The following DLGAP1 variants were observed in gnomAD, a reference collection of about 807,000 sequenced individuals.
DLGAP1 encodes disks large-associated protein 1.
A neutral mutation model predicts 90.8 loss-of-function variants in DLGAP1; 11 were observed. That is an observed-to-expected ratio of 0.12 (90% CI 0.08 to 0.20). The LOEUF is 0.20. Among genes scored for constraint, DLGAP1 ranks in the 10% least tolerant of loss-of-function variants. The pLI, the probability that DLGAP1 is intolerant of heterozygous loss-of-function variation, is 1.00. For synonymous variants in DLGAP1, 558 were observed against 540.7 expected, an observed-to-expected ratio of 1.03 and a Z score of -0.44; for missense variants, 1,050 against 1,333.8, an observed-to-expected ratio of 0.79 and a Z score of 3.31.
chr18:3,905,366 C>CAAAAAAAAAAAAAAAA, intron 3 of DLGAP1, among the ~76,000 whole-genome samples: 34 of 19,826 alleles, frequency 1.7e-3, no homozygotes, highest in Non-Finnish European at 2.5e-3. Context: ...GACTCCATCT[C>CAAAAAAAAAAAAAAAA]AAAAAAAAAA....
chr18:3,998,939 T>C (rs1354216598), intron 3 of DLGAP1, among the ~76,000 whole-genome samples: 1 of 152,190 alleles, frequency 6.6e-6, no homozygotes, highest in South Asian at 2.1e-4. Context: ...TGCCACCTAC[T>C]GGACAGACAG....
chr18:3,848,127 C>CAAAAAAAAAAAA lies in DLGAP1; in HGVS notation c.957+30973_957+30984dup. ...TGGATGATGGAGCAAGGCCCCGTCT[C>CAAAAAAAAAAAA]AAAAAAAAAAAAAAAAAAAAAAAAA... is the stretch of plus-strand genomic sequence containing the variant. On this transcript the variant is annotated intron_variant, in intron 4 of 12. Transcript: ENST00000315677. Among the ~76,000 whole-genome samples the CAAAAAAAAAAAA allele has an allele frequency of 3.0e-3, 97 of 32,080 alleles. 2 individuals carry two copies. The highest frequency in any genetic ancestry group is 3.8e-3 in the Non-Finnish European group (78 of 20,760). 21.0% of individuals were successfully genotyped at this position (32,080 alleles called of 152,430 possible).
In DLGAP1 at chr18:4,236,977, C is replaced by A. The variant is rs938744048; in HGVS notation, c.-266-85690G>T. On this transcript the variant is annotated intron_variant, in intron 1 of 12. Transcript: ENST00000315677. ...AAAACTAAATAAATGAGTCACGTCT[C>A]CCCTGCTCCTTCTGGTTCAGGCATA... 3.6e-4 allele frequency among the ~76,000 whole-genome samples: 55 copies of A among 152,212 alleles called. 1 individual carries two copies. Among genetic ancestry groups the A allele is most frequent in the Admixed American group, 3.6e-3 (55 of 15,276 alleles).
intron 1 of DLGAP1, among the ~76,000 whole-genome samples, chr18:4,354,505 T>G (rs2081465019): frequency 6.6e-6 from 1 of 152,150 alleles, no homozygotes; most frequent in Non-Finnish European, 1.5e-5. Context: ...AACCTAAGCA[T>G]AAAAACAGAC....
chr18:3,924,727 C>T (rs1470213801), intron 3 of DLGAP1, among the ~76,000 whole-genome samples: 1 of 152,096 alleles, frequency 6.6e-6, no homozygotes, highest in Non-Finnish European at 1.5e-5. Flanking sequence ...GTTACTTTTT[C>T]CAAGGAACTG....
chr18:3,752,664 A>C (rs377627831), intron 5 of DLGAP1, among the ~76,000 whole-genome samples: 1 of 114,992 alleles, frequency 8.7e-6, no homozygotes, highest in African/African-American at 3.6e-5. Flanking sequence ...CCTTTTTACG[A>C]TGGGTTCTCA....
chr18:3,569,146 C>T (rs374471408), intron 8 of DLGAP1, among the ~76,000 whole-genome samples: 5 of 151,448 alleles, frequency 3.3e-5, no homozygotes, highest in Non-Finnish European at 2.9e-5. Flanking sequence ...AAATTACAGA[C>T]GCGTGCCACC....
At chr18:3,998,511 C>G (rs866495547) in intron 3 of DLGAP1, among the ~76,000 whole-genome samples, 1 of 152,014 alleles carries the variant, frequency 6.6e-6, no homozygotes, top group Non-Finnish European at 1.5e-5. Flanking sequence ...CTTCAGGGAG[C>G]CTGTGATTCC....
At chr18:4,290,097 A>G (rs1279016637) in intron 1 of DLGAP1, among the ~76,000 whole-genome samples, 2 of 152,232 alleles carry the variant, frequency 1.3e-5, no homozygotes. Flanking sequence ...TTCCCCTGCA[A>G]GCTTTTCAAA....
At chr18:3,686,154 TGAC>T (rs1470539822) in intron 7 of DLGAP1, among the ~76,000 whole-genome samples, 1 of 151,668 alleles carries the variant, frequency 6.6e-6, no homozygotes, top group East Asian at 1.9e-4. Flanking sequence ...CCAGCCTGGG[TGAC>T]AGAGGAGACT....
At chr18:3,705,155 G>C (rs1258116569) in intron 7 of DLGAP1, among the ~76,000 whole-genome samples, 5 of 152,148 alleles carry the variant, frequency 3.3e-5, no homozygotes, top group Non-Finnish European at 1.5e-5. Context: ...ATTTGGTAGG[G>C]CTATTTAAAT....
chr18:4,391,872 T>C (rs2082348074), intron 1 of DLGAP1, among the ~76,000 whole-genome samples: 1 of 152,204 alleles, frequency 6.6e-6, no homozygotes, highest in Non-Finnish European at 1.5e-5. Context: ...CCTCCACATC[T>C]ACACATGGCT....
chr18:4,181,002 G>A (rs1428262971), intron 1 of DLGAP1, among the ~76,000 whole-genome samples: 1 of 152,158 alleles, frequency 6.6e-6, no homozygotes, highest in Admixed American at 6.6e-5. Context: ...AGATACTGAT[G>A]GGTTTGAGCA....
intron 7 of DLGAP1, among the ~76,000 whole-genome samples, chr18:3,672,241 G>C (rs944216193): frequency 1.0e-4 from 12 of 119,862 alleles, no homozygotes; most frequent in South Asian, 3.0e-4. Context: ...CACACACACA[G>C]AGGCAAGAAT....
intron 9 of DLGAP1, among the ~76,000 whole-genome samples, chr18:3,556,557 C>T (rs1211995255): frequency 6.6e-6 from 1 of 152,078 alleles, no homozygotes; most frequent in South Asian, 2.1e-4. Flanking sequence ...AATACGTTGA[C>T]GTTTTTCCCA....
At chr18:4,123,945 T>TA (rs1255053076) in intron 2 of DLGAP1, among the ~76,000 whole-genome samples, 2 of 152,198 alleles carry the variant, frequency 1.3e-5, no homozygotes, top group Non-Finnish European at 2.9e-5. Context: ...TGGTGTTTCT[T>TA]AAAAGCAGAA....
At chr18:3,784,143 G>A (rs963046851) in intron 5 of DLGAP1, among the ~76,000 whole-genome samples, 7 of 152,076 alleles carry the variant, frequency 4.6e-5, no homozygotes, top group Non-Finnish European at 1.0e-4. Flanking sequence ...TTGTGTTTGT[G>A]TGTATGTTTG....
intron 3 of DLGAP1, among the ~76,000 whole-genome samples, chr18:3,936,885 G>A (rs890709357): frequency 2.0e-5 from 3 of 152,202 alleles, no homozygotes; most frequent in Non-Finnish European, 2.9e-5. Flanking sequence ...GAAATCCAAG[G>A]AGGGTGGGTG....
intron 2 of DLGAP1, among the ~76,000 whole-genome samples, chr18:4,046,862 G>A (rs1218111198): frequency 1.3e-5 from 2 of 152,198 alleles, no homozygotes; most frequent in African/African-American, 4.8e-5. Flanking sequence ...AGAGGCAACA[G>A]TGCCTTTACC....
Sources: gnomAD v4.1 joint callset for allele counts (sites outside exome capture counted in the v4.1 genomes callset) on GRCh38, gnomAD v4.1.1 for gene constraint, MANE v1.5 for transcripts, NCBI Gene and HGNC (gene_info 2026-07-23, HGNC 2026-07-21) for gene names.